Variants in ATXN1 observed in about 807,000 individuals in gnomAD.
ATXN1 encodes ataxin 1, also known as ataxin-1.
A neutral mutation model predicts 56.4 loss-of-function variants in ATXN1; 8 were observed. That is an observed-to-expected ratio of 0.14 (90% confidence interval 0.08 to 0.26). The LOEUF (loss-of-function observed/expected upper bound fraction) is 0.26. Among genes scored for constraint, ATXN1 ranks in the 10% least tolerant of loss-of-function variants. The pLI, the probability that ATXN1 is intolerant of heterozygous loss-of-function variation, is 1.00. For synonymous variants in ATXN1, 514 were observed against 494.6 expected (o/e 1.04, Z -0.52); for missense variants, 987 against 1,106.5 (o/e 0.89, Z 1.53).
At chr6:16,511,138 TAGTA>T (rs1234697023) in intron 5 of ATXN1, among the ~76,000 whole-genome samples, 2 of 152,162 alleles carry the variant, frequency 1.3e-5, no homozygotes, top group African/African-American at 2.4e-5. Context: ...AGATGAATCT[TAGTA>T]AGAAAATACA....
At chr6:16,421,220 A>T (rs1164977472) in intron 6 of ATXN1, among the ~76,000 whole-genome samples, 1 of 152,166 alleles carries the variant, frequency 6.6e-6, no homozygotes, top group Non-Finnish European at 1.5e-5. Flanking sequence ...GCTTTTATCT[A>T]ATAGAGTGTG....
At chr6:16,316,703 C>T (rs769731427) in intron 7 of ATXN1, among the ~76,000 whole-genome samples, 41 of 151,740 alleles carry the variant, frequency 2.7e-4, no homozygotes, top group Non-Finnish European at 4.7e-4. Context: ...GCCAAGATCA[C>T]GCCATTGCAC....
intron 6 of ATXN1, among the ~76,000 whole-genome samples, chr6:16,360,204 C>T (rs189468962): frequency 2.2e-4 from 34 of 152,184 alleles, no homozygotes; most frequent in Admixed American, 1.6e-3. Flanking sequence ...TTAGAAGCAC[C>T]GGAGAGCTTC....
At chr6:16,513,030 T>C (rs917826620) in intron 5 of ATXN1, among the ~76,000 whole-genome samples, 1 of 152,228 alleles carries the variant, frequency 6.6e-6, no homozygotes, top group African/African-American at 2.4e-5. Flanking sequence ...GTTCAGTATC[T>C]GTTCTTGCAG....
At position 16,450,948 on chromosome 6, in the gene ATXN1, G is replaced by A. The variant is rs181507452; in HGVS notation, c.-161+35024C>T. 2.5e-3 allele frequency among the ~76,000 whole-genome samples: 388 copies of A among 152,286 alleles called. 1 individual carries two copies. Among genetic ancestry groups the A allele is most frequent in the African/African-American group, 8.1e-3 (336 of 41,554 alleles). On this transcript the variant is annotated intron_variant, in intron 6 of 7. Coordinates refer to ENST00000436367, the MANE Select transcript of ATXN1 (RefSeq NM_001128164.2). ...GGATTAAAAGGACAACAGGGGCGGC[G>A]GGGGTTAGAACAAAGATTAAAGTAG... is the stretch of plus-strand genomic sequence containing the variant.
intron 6 of ATXN1, among the ~76,000 whole-genome samples, chr6:16,348,032 C>T (rs139693322): frequency 5.9e-5 from 9 of 152,160 alleles, no homozygotes; most frequent in Non-Finnish European, 1.3e-4. Context: ...CAACTCCAGA[C>T]ATGCCGCTTT....
Position 16,757,218 on chromosome 6 carries a change from C to T in ATXN1, c.-729-3871G>A, listed in dbSNP as rs560402607. ...TGAAGTCTAGTCGTAACATTTTTGA[C>T]AAAGTGTCACTTCTGTTTACCAAAC... On this transcript the variant is annotated intron_variant, in intron 1 of 7. Transcript: ENST00000436367. 2.0e-5 allele frequency among the ~76,000 whole-genome samples: 3 copies of T among 152,304 alleles called. No homozygotes were observed. The East Asian group carries it at 5.8e-4, about 29-fold the overall frequency.
intron 6 of ATXN1, among the ~76,000 whole-genome samples, chr6:16,434,779 C>A (rs10456783): frequency 0.3 from 45,519 of 152,108 alleles, 7,728 homozygotes; most frequent in Middle Eastern, 0.46. Context: ...ACAGGAAGCT[C>A]CCTGCTCTCA....
chr6:16,568,396 T>C lies in ATXN1; in HGVS notation c.-361+17384A>G, dbSNP rs536425459. ...AGATAAAAGTTATCTCCAGGTTACA[T>C]GCCCGGTACAGGCAGTTCTCAATGT... On this transcript the variant is annotated intron_variant, in intron 4 of 7. Transcript: ENST00000436367. Among the ~76,000 whole-genome samples, 236 of 152,372 alleles carry C rather than the reference T, an allele frequency of 1.5e-3. 1 individual carries two copies. The highest frequency in any genetic ancestry group is 2.8e-3 in the Non-Finnish European group (189 of 68,032).
At chr6:16,460,400 G>T (rs1300384470) in intron 6 of ATXN1, among the ~76,000 whole-genome samples, 2 of 152,174 alleles carry the variant, frequency 1.3e-5, no homozygotes, top group Non-Finnish European at 2.9e-5. Flanking sequence ...CTGTTTACGG[G>T]TAGTTGTGGC....
intron 4 of ATXN1, among the ~76,000 whole-genome samples, chr6:16,551,070 C>A (rs1056971591): frequency 6.6e-6 from 1 of 152,052 alleles, no homozygotes; most frequent in African/African-American, 2.4e-5. Context: ...AACCTAACAT[C>A]CTTGGAGACA....
chr6:16,595,589 T>A (rs896461207), intron 3 of ATXN1, among the ~76,000 whole-genome samples: 3 of 152,252 alleles, frequency 2.0e-5, no homozygotes, highest in African/African-American at 7.2e-5. Context: ...CAACAGTCTG[T>A]GAAACACAGT....
chr6:16,563,008 C>G (rs1762150712), intron 4 of ATXN1, among the ~76,000 whole-genome samples: 1 of 151,760 alleles, frequency 6.6e-6, no homozygotes. Context: ...GTCTTGGAGC[C>G]TTGCGGAGTG....
At chr6:16,737,516 T>A (rs558922407) in intron 2 of ATXN1, 1 of 152,248 alleles carries the variant, frequency 6.6e-6, no homozygotes, top group East Asian at 1.9e-4. Context: ...GAAATAACAA[T>A]GGAGCAAGAA....
chr6:16,756,641 C>T (rs994728868), intron 1 of ATXN1, among the ~76,000 whole-genome samples: 50 of 152,210 alleles, frequency 3.3e-4, no homozygotes, highest in African/African-American at 1.2e-3. Flanking sequence ...AAATACAGAG[C>T]AAGGAAAGTC....
At chr6:16,318,507 C>A (rs996399504) in intron 7 of ATXN1, among the ~76,000 whole-genome samples, 1 of 152,146 alleles carries the variant, frequency 6.6e-6, no homozygotes, top group African/African-American at 2.4e-5. Flanking sequence ...AACCCCGTCT[C>A]AAAGATGAAG....
intron 6 of ATXN1, among the ~76,000 whole-genome samples, chr6:16,329,360 C>CT (rs1315535571): frequency 3.9e-5 from 6 of 152,110 alleles, no homozygotes; most frequent in Admixed American, 1.3e-4. Context: ...CCCCTTAGCT[C>CT]TGGGTCCACA....
At chr6:16,307,511 A>AT (rs1387674754) in intron 7 of ATXN1, among the ~76,000 whole-genome samples, 1 of 150,252 alleles carries the variant, frequency 6.7e-6, no homozygotes, top group Non-Finnish European at 1.5e-5. Flanking sequence ...TCCACTAAAA[A>AT]TAAAAAAAAA....
At chr6:16,371,083 G>A (rs922534926) in intron 6 of ATXN1, among the ~76,000 whole-genome samples, 1 of 152,132 alleles carries the variant, frequency 6.6e-6, no homozygotes. Flanking sequence ...GGCTCAATTT[G>A]CTTTCACACC....
Sources: allele counts gnomAD v4.1 joint callset (sites outside exome capture counted in the v4.1 genomes callset), GRCh38; gene constraint gnomAD v4.1.1; transcripts MANE v1.5; gene names NCBI Gene and HGNC (gene_info 2026-07-23, HGNC 2026-07-21).